Variants in CFAP299 observed in about 807,000 individuals in gnomAD.
CFAP299 encodes the protein cilia and flagella associated protein 299.
CFAP299 carries 21 observed loss-of-function variants against 27.0 expected under a neutral mutation model. That is an observed-to-expected ratio of 0.78 (90% CI 0.55 to 1.12). The LOEUF (loss-of-function observed/expected upper bound fraction) is 1.12, where lower values mean the gene tolerates loss of function less well. Among genes scored for constraint, CFAP299 ranks in the 50% most tolerant of loss-of-function variants. CFAP299 has a pLI of 0.00. For synonymous variants in CFAP299, 104 were observed against 98.1 expected, an observed-to-expected ratio of 1.06 and a Z score of -0.36; for missense variants, 310 against 276.6, an observed-to-expected ratio of 1.12 and a Z score of -0.86.
rs554383214 is a variant in CFAP299 at position 80,635,774 on chromosome 4, T to C, written c.333+52591T>C. 2.0e-5 allele frequency among the ~76,000 whole-genome samples: 3 copies of C among 152,290 alleles called. No individual in the cohort carries two copies. The South Asian group carries it at 6.2e-4, about 32-fold the overall frequency. Reference sequence around the variant, plus strand: ...GTAGAAAGCAGATTTTTATGACCCATGTAAGTACTGAAAGTGGTAGCTGGC... The same window carrying C: ...GTAGAAAGCAGATTTTTATGACCCACGTAAGTACTGAAAGTGGTAGCTGGC... On this transcript the variant is annotated intron_variant, in intron 3 of 5. Transcript: ENST00000358105.
intron 3 of CFAP299, among the ~76,000 whole-genome samples, chr4:80,645,178 T>C (rs754595650): frequency 6.6e-6 from 1 of 152,160 alleles, no homozygotes; most frequent in Admixed American, 6.5e-5. Context: ...TCTTAATGAA[T>C]AGTACTATCA....
intron 3 of CFAP299, among the ~76,000 whole-genome samples, chr4:80,792,465 G>C (rs1227239146): frequency 6.6e-6 from 1 of 152,060 alleles, no homozygotes; most frequent in East Asian, 1.9e-4. Context: ...CTTTGGAGAA[G>C]GAAGAAATAC....
At chr4:80,407,693 G>A (rs1726503655) in intron 2 of CFAP299, among the ~76,000 whole-genome samples, 3 of 152,142 alleles carry the variant, frequency 2.0e-5, no homozygotes, top group Admixed American at 2.0e-4. Context: ...TGCAAAAGGT[G>A]TAGATACAGG....
chr4:80,442,121 C>A (rs1250252157), intron 2 of CFAP299, among the ~76,000 whole-genome samples: 1 of 152,108 alleles, frequency 6.6e-6, no homozygotes, highest in Non-Finnish European at 1.5e-5. Flanking sequence ...GACTTTACCA[C>A]CCCACTGTCA....
At chr4:80,728,620 G>T (rs1162255501) in intron 3 of CFAP299, among the ~76,000 whole-genome samples, 1 of 151,922 alleles carries the variant, frequency 6.6e-6, no homozygotes, top group African/African-American at 2.4e-5. Context: ...CCTTCCACAC[G>T]CTTTATGTGT....
At position 80,746,952 on chromosome 4, in the gene CFAP299, TG is replaced by T. The variant is rs1724645233; in HGVS notation, c.334-123040del. Among the ~76,000 whole-genome samples, 6 of 152,142 alleles carry T rather than the reference TG, an allele frequency of 3.9e-5. No individual in the cohort carries two copies. In the South Asian group the frequency reaches 1.2e-3, roughly 32 times the overall value. On this transcript the variant is annotated intron_variant, in intron 3 of 5. Transcript: ENST00000358105. ...CCAGCTAGATAAGATTGGGAAATCA[TG>T]ATACTAAGGATTGGCCTTTGTATCC...
At chr4:80,661,213 C>A (rs1740826602) in intron 3 of CFAP299, among the ~76,000 whole-genome samples, 1 of 151,604 alleles carries the variant, frequency 6.6e-6, no homozygotes, top group Non-Finnish European at 1.5e-5. Flanking sequence ...GTTGTCCCAG[C>A]TACTCAGGAG....
chr4:80,957,249 G>T (rs1461511881), intron 5 of CFAP299, among the ~76,000 whole-genome samples: 1 of 152,106 alleles, frequency 6.6e-6, no homozygotes, highest in Non-Finnish European at 1.5e-5. Context: ...ACCCAGTAAT[G>T]GGTTTCAGGC....
chr4:80,871,397 C>T, intron 4 of CFAP299: 1 of 985,418 alleles, frequency 1.0e-6, no homozygotes, highest in Non-Finnish European at 1.2e-6. Flanking sequence ...CCACTGGGTA[C>T]TGCTGAAGGA....
chr4:80,597,547 A>G (rs1251360417), intron 3 of CFAP299, among the ~76,000 whole-genome samples: 1 of 152,166 alleles, frequency 6.6e-6, no homozygotes, highest in Non-Finnish European at 1.5e-5. Context: ...CCAATTTATT[A>G]ATCTTTTCCT....
intron 2 of CFAP299, among the ~76,000 whole-genome samples, chr4:80,395,287 A>G (rs1269257977): frequency 6.6e-6 from 1 of 152,064 alleles, no homozygotes; most frequent in East Asian, 1.9e-4. Flanking sequence ...TACTAAATTT[A>G]TTAGTTCTAG....
chr4:80,390,641 A>G (rs1276890903), intron 2 of CFAP299, among the ~76,000 whole-genome samples: 1 of 143,886 alleles, frequency 6.9e-6, no homozygotes, highest in Non-Finnish European at 1.5e-5. Flanking sequence ...GTATACACAT[A>G]TATGTATGTA....
chr4:80,447,239 C>T (rs1429074345), intron 2 of CFAP299, among the ~76,000 whole-genome samples: 2 of 139,092 alleles, frequency 1.4e-5, no homozygotes, highest in Admixed American at 1.4e-4. Flanking sequence ...GGGTTCACGC[C>T]ATTCTCCTGC....
chr4:80,859,065 C>T, intron 3 of CFAP299, among the ~76,000 whole-genome samples: 1 of 152,042 alleles, frequency 6.6e-6, no homozygotes, highest in Non-Finnish European at 1.5e-5. Context: ...GTAGGTCACT[C>T]AGGAGTTGCT....
intron 5 of CFAP299, among the ~76,000 whole-genome samples, chr4:80,959,958 G>T (rs982591431): frequency 6.6e-6 from 1 of 151,876 alleles, no homozygotes; most frequent in Non-Finnish European, 1.5e-5. Context: ...TAACATGGTT[G>T]TAAAGAACCT....
At chr4:80,957,599 C>T (rs1361849029) in intron 5 of CFAP299, among the ~76,000 whole-genome samples, 1 of 152,056 alleles carries the variant, frequency 6.6e-6, no homozygotes, top group African/African-American at 2.4e-5. Context: ...TAAAAAGCAT[C>T]AATGCAAAAA....
chr4:80,831,792 A>G (rs1282067836), intron 3 of CFAP299, among the ~76,000 whole-genome samples: 1 of 152,150 alleles, frequency 6.6e-6, no homozygotes, highest in Non-Finnish European at 1.5e-5. Context: ...CCATTTTAGC[A>G]TCTAATAATT....
intron 3 of CFAP299, among the ~76,000 whole-genome samples, chr4:80,864,953 C>T (rs1476947957): frequency 1.3e-5 from 2 of 152,110 alleles, no homozygotes; most frequent in Non-Finnish European, 2.9e-5. Flanking sequence ...ACCAGTGTCA[C>T]ACAGTAAGTA....
chr4:80,684,281 G>A (rs1426837988), intron 3 of CFAP299, among the ~76,000 whole-genome samples: 1 of 151,362 alleles, frequency 6.6e-6, no homozygotes, highest in South Asian at 2.1e-4. Context: ...TTTTGGGGGG[G>A]GGGGACGGAG....
Sources: gnomAD v4.1 joint callset for allele counts (sites outside exome capture counted in the v4.1 genomes callset) on GRCh38, gnomAD v4.1.1 for gene constraint, MANE v1.5 for transcripts, NCBI Gene and HGNC (gene_info 2026-07-23, HGNC 2026-07-21) for gene names.